The following PLGRKT variants were observed in gnomAD, a reference collection of about 807,000 sequenced individuals.
PLGRKT encodes the protein plasminogen receptor (KT).
A neutral mutation model predicts 18.5 loss-of-function variants in PLGRKT; 22 were observed. The ratio of observed to expected loss-of-function variants is 1.19; its 90% CI spans 0.85 to 1.70. PLGRKT has a LOEUF of 1.70. Ranked by LOEUF, PLGRKT falls within the 40% of genes most tolerant of loss-of-function variation. PLGRKT has a pLI of 0.00. For missense variants in PLGRKT, 235 were observed against 174.4 expected, an observed-to-expected ratio of 1.35 and a Z score of -1.96; for synonymous variants, 72 against 52.8, an observed-to-expected ratio of 1.36 and a Z score of -1.58.
At chr9:5,437,415 G>T (rs569105683) in intron 1 of PLGRKT, among the ~76,000 whole-genome samples, 90 of 152,232 alleles carry the variant, frequency 5.9e-4, no homozygotes, top group Non-Finnish European at 7.4e-5. Flanking sequence ...GCAAATTCCA[G>T]CCCAGAGCCC....
At chr9:5,424,757 C>T (rs937876328) in intron 3 of PLGRKT, among the ~76,000 whole-genome samples, 4 of 143,838 alleles carry the variant, frequency 2.8e-5, no homozygotes, top group East Asian at 4.0e-4. Context: ...AGTTTTGTCA[C>T]GTTGCCCGGG....
intron 3 of PLGRKT, among the ~76,000 whole-genome samples, chr9:5,419,285 A>T (rs576947468): frequency 9.7e-4 from 148 of 152,352 alleles, no homozygotes; most frequent in African/African-American, 3.4e-3. Flanking sequence ...TTATCCTCCA[A>T]ACTGAATCTG....
At position 5,361,764 on chromosome 9, in the gene PLGRKT, G is replaced by A; in HGVS notation, c.206C>T (p.Thr69Ile). Residue 69 changes from threonine to isoleucine, a missense_variant, in exon 4 of 6, where the codon ACA becomes ATA. Transcript: ENST00000223864. The part of the protein sequence containing the change: ...TFFGLAAISL[T>I]AGAIKKKKPA... ...TGTTAAATAGCAAACATACCCAGCT[G>A]TTAAAGAGATGGCTGCAAGGCCAAA... The A allele has an allele frequency of 6.2e-7, 1 of 1,609,218 alleles. No individual in the cohort carries two copies. The highest frequency in any genetic ancestry group is 8.5e-7 in the Non-Finnish European group (1 of 1,178,758).
intron 3 of PLGRKT, among the ~76,000 whole-genome samples, chr9:5,406,529 T>C (rs1818260497): frequency 1.3e-5 from 2 of 151,572 alleles, no homozygotes; most frequent in African/African-American, 4.9e-5. Context: ...AAACACTGCA[T>C]GTTCTCTTAT....
intron 3 of PLGRKT, among the ~76,000 whole-genome samples, chr9:5,396,025 C>A (rs1337263473): frequency 2.0e-5 from 3 of 151,288 alleles, no homozygotes; most frequent in Non-Finnish European, 4.4e-5. Context: ...TCCCAAGTAG[C>A]TGGGATTACA....
intron 3 of PLGRKT, among the ~76,000 whole-genome samples, chr9:5,367,805 T>C (rs1310477828): frequency 6.6e-6 from 1 of 151,988 alleles, no homozygotes; most frequent in Non-Finnish European, 1.5e-5. Context: ...GTAAACAATT[T>C]ACAGAATGGG....
At chr9:5,359,046 C>G (rs1055121624) in intron 5 of PLGRKT, among the ~76,000 whole-genome samples, 2 of 148,302 alleles carry the variant, frequency 1.3e-5, no homozygotes, top group African/African-American at 5.1e-5. Context: ...GAGTACTCCT[C>G]TTTTAACACA....
At chr9:5,380,191 C>T (rs1033460769) in intron 3 of PLGRKT, among the ~76,000 whole-genome samples, 11 of 151,736 alleles carry the variant, frequency 7.2e-5, no homozygotes, top group Non-Finnish European at 1.5e-4. Flanking sequence ...GGTGAAACCC[C>T]GTCTCTACTA....
chr9:5,419,388 A>C (rs1814216836), intron 3 of PLGRKT, among the ~76,000 whole-genome samples: 1 of 152,216 alleles, frequency 6.6e-6, no homozygotes, highest in Admixed American at 6.5e-5. Context: ...CACAATTGAG[A>C]CTGAGCTTTC....
At position 5,426,781 on chromosome 9, in the gene PLGRKT, C is replaced by T. The variant is rs141514253; in HGVS notation, c.81+5116G>A. Among the ~76,000 whole-genome samples the T allele has an allele frequency of 3.0e-3, 463 of 152,264 alleles. 2 individuals are homozygous for T. The highest frequency in any genetic ancestry group is 0.011 in the African/African-American group (444 of 41,552). Reference sequence around the variant, plus strand: ...AACCCTGAGGGATGAGGTACCATCTCCTTCCAGTCAAAGAGCAGACTTGCT... The same window carrying T: ...AACCCTGAGGGATGAGGTACCATCTTCTTCCAGTCAAAGAGCAGACTTGCT... On this transcript the variant is annotated intron_variant, in intron 3 of 5. Transcript: ENST00000223864.
chr9:5,401,417 G>A (rs1818151984), intron 3 of PLGRKT, among the ~76,000 whole-genome samples: 1 of 151,778 alleles, frequency 6.6e-6, no homozygotes, highest in Non-Finnish European at 1.5e-5. Context: ...ATATACAATA[G>A]AACAAACAAG....
At chr9:5,365,062 T>G (rs547317205) in intron 3 of PLGRKT, among the ~76,000 whole-genome samples, 2 of 152,218 alleles carry the variant, frequency 1.3e-5, no homozygotes, top group African/African-American at 4.8e-5. Flanking sequence ...TAACAACCCC[T>G]TGCAAACAAG....
At position 5,373,908 on chromosome 9, in the gene PLGRKT, C is replaced by A. The variant is rs551323796; in HGVS notation, c.82-12020G>T. Among the ~76,000 whole-genome samples, 3 of 152,168 alleles carry A rather than the reference C, an allele frequency of 2.0e-5. No homozygotes were observed. The East Asian group carries it at 5.8e-4, about 29-fold the overall frequency. On this transcript the variant is annotated intron_variant, in intron 3 of 5. Coordinates refer to ENST00000223864, the MANE Select transcript of PLGRKT (RefSeq NM_018465.4). ...ATAACTAAAATACAAAGGGAAAAGG[C>A]ACCTCCTAAGAACAGCCAGGCATTG...
At chr9:5,366,235 A>C (rs1290931423) in intron 3 of PLGRKT, among the ~76,000 whole-genome samples, 1 of 152,166 alleles carries the variant, frequency 6.6e-6, no homozygotes, top group East Asian at 1.9e-4. Context: ...TCCTTTAACT[A>C]TGTGTACATT....
chr9:5,412,843 A>T (rs1210473586), intron 3 of PLGRKT, among the ~76,000 whole-genome samples: 1 of 152,178 alleles, frequency 6.6e-6, no homozygotes, highest in South Asian at 2.1e-4. Flanking sequence ...TCTGAGATAA[A>T]ATATTAGGAA....
intron 3 of PLGRKT, among the ~76,000 whole-genome samples, chr9:5,402,969 T>C (rs1818183597): frequency 1.3e-5 from 2 of 151,580 alleles, no homozygotes; most frequent in African/African-American, 4.9e-5. Context: ...AAACGTAAAA[T>C]AAAGAAACTT....
intron 3 of PLGRKT, among the ~76,000 whole-genome samples, chr9:5,398,942 G>T: frequency 6.6e-6 from 1 of 151,468 alleles, no homozygotes; most frequent in Non-Finnish European, 1.5e-5. Context: ...CATTTGTAAA[G>T]GACATTTTTA....
chr9:5,390,207 A>ATG (rs1419395642), intron 3 of PLGRKT, among the ~76,000 whole-genome samples: 4 of 143,754 alleles, frequency 2.8e-5, no homozygotes, highest in African/African-American at 1.0e-4. Flanking sequence ...GAATGTGTAT[A>ATG]TGTGTGTGCG....
intron 3 of PLGRKT, among the ~76,000 whole-genome samples, chr9:5,415,367 A>G (rs1372983505): frequency 6.6e-6 from 1 of 152,242 alleles, no homozygotes; most frequent in Non-Finnish European, 1.5e-5. Context: ...AGCTCTTCCA[A>G]TTAACAAATA....
Sources: gnomAD v4.1 joint callset for allele counts (sites outside exome capture counted in the v4.1 genomes callset) on GRCh38, gnomAD v4.1.1 for gene constraint, MANE v1.5 for transcripts, NCBI Gene and HGNC (gene_info 2026-07-23, HGNC 2026-07-21) for gene names.